Variants in UPRT observed in about 807,000 individuals in gnomAD.
UPRT encodes RP11-311P8.3.
A neutral mutation model predicts 22.6 loss-of-function variants in UPRT; 5 were observed. The ratio of observed to expected loss-of-function variants is 0.22; its 90% confidence interval spans 0.12 to 0.47. The LOEUF is 0.47. UPRT is among the 20% of genes least tolerant of loss of function. The pLI, the probability that UPRT is intolerant of heterozygous loss-of-function variation, is 0.99. For synonymous variants in UPRT, 77 were observed against 87.7 expected, an observed-to-expected ratio of 0.88 and a Z score of 0.68; for missense variants, 181 against 239.9, an observed-to-expected ratio of 0.75 and a Z score of 1.62.
rs149563568 is a variant in UPRT at position 75,231,339 on chromosome X, A to G, written c.-446-59685A>G. Among the ~76,000 whole-genome samples the G allele has an allele frequency of 5.9e-3, 659 of 112,271 alleles. 5 individuals are homozygous for G. The highest frequency in any genetic ancestry group is 0.02 in the African/African-American group (635 of 31,010). ...CTTTCAACAATAAAATAAAACAATT[A>G]GAAGAAAAAACTTCCACACTCAAAG... On this transcript the variant is annotated intron_variant, in intron 4 of 13. Coordinates refer to the UPRT transcript ENST00000652605.
chrX:75,168,430 C>T (rs1019977443), intron 4 of UPRT, among the ~76,000 whole-genome samples: 1 of 52,625 alleles, frequency 1.9e-5, no homozygotes. Flanking sequence ...TGGGTGGGGG[C>T]GGGGTTATTT....
chrX:75,259,013 A>T (rs1004724045), intron 4 of UPRT, among the ~76,000 whole-genome samples: 2 of 111,971 alleles, frequency 1.8e-5, no homozygotes, highest in Non-Finnish European at 3.8e-5. Context: ...ACTCCAGCAG[A>T]CCTGCATCAG....
At chrX:75,284,272 T>C (rs1017339705) in intron 1 of UPRT, among the ~76,000 whole-genome samples, 2 of 111,837 alleles carry the variant, frequency 1.8e-5, no homozygotes, top group Non-Finnish European at 1.9e-5. Flanking sequence ...GCTTAATAAC[T>C]AACCTCCTGA....
At chrX:75,171,213 C>A (rs1433558256) in intron 4 of UPRT, among the ~76,000 whole-genome samples, 1 of 111,326 alleles carries the variant, frequency 9.0e-6, no homozygotes, top group Non-Finnish European at 1.9e-5. Context: ...ACTAATTATT[C>A]TTGGGTCTGG....
chrX:75,215,958 A>T (rs1016866605), intron 4 of UPRT, among the ~76,000 whole-genome samples: 2 of 112,259 alleles, frequency 1.8e-5, no homozygotes, highest in African/African-American at 6.5e-5. Context: ...GGAAGAAATA[A>T]TACCAATTAT....
At chrX:75,267,339 C>T (rs1190066538) in intron 4 of UPRT, among the ~76,000 whole-genome samples, 2 of 111,492 alleles carry the variant, frequency 1.8e-5, no homozygotes. Flanking sequence ...CAAAACCAAA[C>T]ATCATATGTT....
chrX:75,181,006 A>G (rs1325682736), intron 4 of UPRT, among the ~76,000 whole-genome samples: 7 of 110,592 alleles, frequency 6.3e-5, no homozygotes, highest in Non-Finnish European at 1.3e-4. Context: ...TTTTAAATTT[A>G]TGTCTTCAAT....
intron 4 of UPRT, among the ~76,000 whole-genome samples, chrX:75,253,959 A>C (rs2082540752): frequency 9.0e-6 from 1 of 111,443 alleles, no homozygotes; most frequent in Non-Finnish European, 1.9e-5. Flanking sequence ...CTGGCCTCAC[A>C]GGGGTCTTTC....
At chrX:75,181,925 G>C (rs2082271573) in intron 4 of UPRT, among the ~76,000 whole-genome samples, 1 of 111,584 alleles carries the variant, frequency 9.0e-6, no homozygotes, top group African/African-American at 3.3e-5. Flanking sequence ...TCTTGTTCTG[G>C]TTTTCAAAGA....
intron 4 of UPRT, among the ~76,000 whole-genome samples, chrX:75,168,958 GTCTGTTGTATCAT>G (rs1253876042): frequency 8.9e-6 from 1 of 111,748 alleles, no homozygotes; most frequent in East Asian, 2.8e-4. Context: ...AATCTCCAAA[GTCTGTTGTATCAT>G]TCTTATGCCT....
chrX:75,192,341 G>GT (rs35280541), intron 4 of UPRT, among the ~76,000 whole-genome samples: 68,577 of 105,441 alleles, frequency 0.65, 20,507 homozygotes, highest in Non-Finnish European at 0.91. Context: ...CATGATTTCA[G>GT]TTTTTTTTTT....
chrX:75,189,595 C>T lies in UPRT; in HGVS notation c.-447+21716C>T, dbSNP rs184169075. ...TTGACAGTGGGGTGTTAAACTCTCC[C>T]GTTATTATTGTGTGGGAATCTAAGT... On this transcript the variant is annotated intron_variant, in intron 4 of 13. Transcript: ENST00000652605. Among the ~76,000 whole-genome samples, 47 of 111,438 alleles carry T rather than the reference C, an allele frequency of 4.2e-4. No individual in the cohort carries two copies. The East Asian group carries it at 5.6e-3, about 13-fold the overall frequency.
chrX:75,185,879 ATTTTT>A (rs1395561813), intron 4 of UPRT, among the ~76,000 whole-genome samples: 1 of 110,676 alleles, frequency 9.0e-6, no homozygotes, highest in Non-Finnish European at 1.9e-5. Flanking sequence ...CCCCTTTATC[ATTTTT>A]TACTGTGTCT....
rs2082593706 is a variant in UPRT, at chrX:75,267,390, C to T, written c.-446-23634C>T. On this transcript the variant is annotated intron_variant, in intron 4 of 13. Coordinates refer to the UPRT transcript ENST00000652605. Reference sequence around the variant, plus strand: ...GAATTGAACAATGAGAACACTTGGACATGGGAAGGGGAATATCACAGTTCA... The same window carrying T: ...GAATTGAACAATGAGAACACTTGGATATGGGAAGGGGAATATCACAGTTCA... Among the ~76,000 whole-genome samples the T allele has an allele frequency of 9.0e-5, 10 of 111,075 alleles. No homozygotes were observed. The Admixed American group carries it at 9.6e-4, about 11-fold the overall frequency.
intron 4 of UPRT, among the ~76,000 whole-genome samples, chrX:75,203,469 G>A (rs1179560936): frequency 1.0e-5 from 1 of 99,105 alleles, no homozygotes; most frequent in African/African-American, 3.7e-5. Flanking sequence ...TGAAGAGAAG[G>A]CAAGGGTTAA....
intron 4 of UPRT, among the ~76,000 whole-genome samples, chrX:75,236,119 T>C (rs1472993195): frequency 9.0e-6 from 1 of 111,477 alleles, no homozygotes; most frequent in African/African-American, 3.3e-5. Context: ...ACAAAATCAA[T>C]GTACAAAAAT....
In UPRT at chrX:75,171,524, G is replaced by T. The variant is rs889032939; in HGVS notation, c.-447+3645G>T. On this transcript the variant is annotated intron_variant, in intron 4 of 13. Coordinates refer to the UPRT transcript ENST00000652605. The stretch of plus-strand genomic sequence containing the variant: ...CTTAAATTGGATTTTACCTTTCTCT[G>T]GTGCCTCCTTGATTAAGTTAATACT... 3.6e-5 allele frequency among the ~76,000 whole-genome samples: 4 copies of T among 110,215 alleles called. No homozygotes were observed. The East Asian group carries it at 1.1e-3, about 31-fold the overall frequency.
intron 4 of UPRT, among the ~76,000 whole-genome samples, chrX:75,207,132 G>T (rs1234372636): frequency 8.9e-6 from 1 of 112,325 alleles, no homozygotes; most frequent in South Asian, 3.7e-4. Flanking sequence ...ATTTTCTATG[G>T]GTGTTCCTTT....
chrX:75,275,878 T>C (rs372019130), intron 1 of UPRT, among the ~76,000 whole-genome samples: 9 of 110,799 alleles, frequency 8.1e-5, no homozygotes, highest in East Asian at 2.9e-4. Context: ...CCCCGGCTAA[T>C]TTTTTATTTT....
Sources: gnomAD v4.1 joint callset for allele counts (sites outside exome capture counted in the v4.1 genomes callset) on GRCh38, gnomAD v4.1.1 for gene constraint, MANE v1.5 for transcripts, NCBI Gene and HGNC (gene_info 2026-07-23, HGNC 2026-07-21) for gene names.